RBMS3: variants seen among roughly 807,000 people sequenced by gnomAD.
RBMS3 encodes RNA binding motif single stranded interacting protein 3, also known as RNA-binding motif, single-stranded-interacting protein 3.
A neutral mutation model predicts 66.8 loss-of-function variants in RBMS3; 27 were observed. That is an observed-to-expected ratio of 0.40 (90% CI 0.30 to 0.56). The LOEUF (loss-of-function observed/expected upper bound fraction) is 0.56. RBMS3 is among the 20% of genes least tolerant of loss of function. The probability of loss-of-function intolerance (pLI) is 0.40; values close to 1 mark genes in which losing one functional copy is unlikely to be tolerated. For missense variants in RBMS3, 513 were observed against 549.5 expected (o/e 0.93, Z 0.66); for synonymous variants, 188 against 183.0 (o/e 1.03, Z -0.22).
chr3:29,845,906 G>A (rs970395820), intron 6 of RBMS3, among the ~76,000 whole-genome samples: 5 of 152,092 alleles, frequency 3.3e-5, no homozygotes. Flanking sequence ...TATTTGAGAG[G>A]AAAGATTTCC....
intron 1 of RBMS3, among the ~76,000 whole-genome samples, chr3:29,409,082 G>A (rs967617086): frequency 2.6e-5 from 4 of 152,022 alleles, no homozygotes; most frequent in African/African-American, 7.3e-5. Flanking sequence ...TTTTAATGTC[G>A]CACAGCAAGT....
At chr3:29,790,026 T>C (rs1479322712) in intron 6 of RBMS3, among the ~76,000 whole-genome samples, 4 of 152,218 alleles carry the variant, frequency 2.6e-5, no homozygotes, top group Admixed American at 2.0e-4. Context: ...AAAGGTGTTA[T>C]ATCATCTTAT....
chr3:29,753,713 C>T (rs2055283804), intron 5 of RBMS3, among the ~76,000 whole-genome samples: 1 of 152,108 alleles, frequency 6.6e-6, no homozygotes. Flanking sequence ...TATTATTAGA[C>T]TCAGTTATGG....
intron 1 of RBMS3, among the ~76,000 whole-genome samples, chr3:29,410,552 A>G (rs2040222184): frequency 6.6e-6 from 1 of 152,182 alleles, no homozygotes. Context: ...AGTGTCTGGT[A>G]CCACCAACCT....
chr3:29,902,074 G>A (rs1267732508), intron 10 of RBMS3, among the ~76,000 whole-genome samples: 3 of 151,740 alleles, frequency 2.0e-5, no homozygotes, highest in African/African-American at 7.3e-5. Context: ...AATTAATGAG[G>A]AACTTGATGA....
At chr3:29,668,194 G>A (rs1576476213) in intron 4 of RBMS3, among the ~76,000 whole-genome samples, 1 of 152,318 alleles carries the variant, frequency 6.6e-6, no homozygotes, top group East Asian at 1.9e-4. Flanking sequence ...AGGACTGGAG[G>A]AGAAAAGAGC....
At chr3:29,630,220 T>C (rs1057148990) in intron 4 of RBMS3, among the ~76,000 whole-genome samples, 3 of 152,000 alleles carry the variant, frequency 2.0e-5, no homozygotes, top group African/African-American at 7.2e-5. Flanking sequence ...GAGTAGGACT[T>C]TCATTGAATG....
At chr3:29,348,066 C>A in intron 1 of RBMS3, among the ~76,000 whole-genome samples, 1 of 151,382 alleles carries the variant, frequency 6.6e-6, no homozygotes, top group South Asian at 2.1e-4. Flanking sequence ...CCATCGTTTT[C>A]CTCTTGTTTC....
At chr3:29,435,657 G>A (rs1177192707) in intron 2 of RBMS3, among the ~76,000 whole-genome samples, 1 of 152,154 alleles carries the variant, frequency 6.6e-6, no homozygotes, top group East Asian at 1.9e-4. Context: ...TCATAGACCT[G>A]GCCGGGCACA....
intron 3 of RBMS3, among the ~76,000 whole-genome samples, chr3:29,585,550 A>G (rs2047488735): frequency 6.6e-6 from 1 of 152,098 alleles, no homozygotes; most frequent in African/African-American, 2.4e-5. Flanking sequence ...AATGGCACGA[A>G]GCCAGTAGTA....
intron 8 of RBMS3, among the ~76,000 whole-genome samples, chr3:29,891,636 G>C (rs1001062522): frequency 1.3e-5 from 2 of 151,412 alleles, no homozygotes; most frequent in Non-Finnish European, 3.0e-5. Context: ...TTTTCATTGG[G>C]AGTTGCTGTA....
chr3:29,824,330 C>T (rs568818716), intron 6 of RBMS3, among the ~76,000 whole-genome samples: 4 of 152,212 alleles, frequency 2.6e-5, no homozygotes, highest in African/African-American at 7.2e-5. Flanking sequence ...AAGTGGGCCT[C>T]ATCAGACACT....
chr3:29,702,073 G>T (rs1262100346), intron 4 of RBMS3, among the ~76,000 whole-genome samples: 1 of 152,198 alleles, frequency 6.6e-6, no homozygotes, highest in Non-Finnish European at 1.5e-5. Context: ...TCAGCACTCT[G>T]TGTCTAGCTC....
At chr3:29,659,744 C>G (rs1034294627) in intron 4 of RBMS3, among the ~76,000 whole-genome samples, 2 of 152,088 alleles carry the variant, frequency 1.3e-5, no homozygotes, top group Non-Finnish European at 2.9e-5. Context: ...GGGGTGGTTA[C>G]AGAGAGCTGG....
chr3:29,781,926 A>G (rs2056645206), intron 6 of RBMS3, among the ~76,000 whole-genome samples: 1 of 151,986 alleles, frequency 6.6e-6, no homozygotes, highest in African/African-American at 2.4e-5. Flanking sequence ...CCCCCCGGGA[A>G]TATAACTCCA....
At chr3:29,978,661 CAAAA>C (rs986609976) in intron 12 of RBMS3, among the ~76,000 whole-genome samples, 2 of 149,538 alleles carry the variant, frequency 1.3e-5, no homozygotes, top group East Asian at 3.9e-4. Flanking sequence ...ATGGAAAAAA[CAAAA>C]AAAAACTAAA....
intron 10 of RBMS3, chr3:29,925,021 A>C (rs1244973104): frequency 6.6e-6 from 1 of 152,176 alleles, no homozygotes; most frequent in Non-Finnish European, 1.5e-5. Context: ...ATACTCTGAG[A>C]ATGAAAGAGG....
intron 5 of RBMS3, among the ~76,000 whole-genome samples, chr3:29,752,929 A>G (rs1305503119): frequency 1.3e-5 from 2 of 152,244 alleles, no homozygotes; most frequent in African/African-American, 2.4e-5. Context: ...GGTTGGTTTT[A>G]TAAACTTTAA....
intron 12 of RBMS3, among the ~76,000 whole-genome samples, chr3:29,958,243 A>G (rs1696177240): frequency 6.6e-6 from 1 of 152,142 alleles, no homozygotes; most frequent in South Asian, 2.1e-4. Context: ...TTTCTAAATG[A>G]CATTGAAAAT....
Sources: allele counts gnomAD v4.1 joint callset (sites outside exome capture counted in the v4.1 genomes callset), GRCh38; gene constraint gnomAD v4.1.1; transcripts MANE v1.5; gene names NCBI Gene and HGNC (gene_info 2026-07-23, HGNC 2026-07-21).